Variants in ITGB3 observed in about 807,000 individuals in gnomAD.
ITGB3 encodes integrin subunit beta 3, also known as integrin beta-3.
In ITGB3, 48 loss-of-function variants were observed where a neutral mutation model predicts 85.8. The ratio of observed to expected loss-of-function variants is 0.56; its 90% CI spans 0.44 to 0.71. ITGB3 has a LOEUF of 0.71. Ranked by LOEUF, ITGB3 falls within the 30% of genes least tolerant of loss-of-function variation. The pLI, the probability that ITGB3 is intolerant of heterozygous loss-of-function variation, is 0.00. For synonymous variants in ITGB3, 363 were observed against 395.6 expected (o/e 0.92, Z 0.98); for missense variants, 861 against 1,019.1 (o/e 0.84, Z 2.11).
At chr17:47,266,667 T>A (rs559539188) in intron 1 of ITGB3, among the ~76,000 whole-genome samples, 1 of 152,230 alleles carries the variant, frequency 6.6e-6, no homozygotes, top group Admixed American at 6.5e-5. Flanking sequence ...AGCCTCAACC[T>A]CCCAGGTCCA....
In ITGB3 at chr17:47,292,339, T is replaced by C. The variant is rs751788211; in HGVS notation, c.1461T>C (p.Arg487=). 3 of 1,614,130 alleles carry C rather than the reference T, an allele frequency of 1.9e-6. No individual in the cohort carries two copies. Among genetic ancestry groups the C allele is most frequent in the South Asian group, 1.1e-5 (1 of 91,078 alleles). The change falls in exon 10 of 15, where the codon CGT becomes CGC. Residue 487 remains arginine (R), a synonymous_variant. Coordinates refer to ENST00000559488, the MANE Select transcript of ITGB3 (RefSeq NM_000212.3). ...GGACCTTTGAGTGTGGGGTATGCCG[T>C]TGTGGGCCTGGCTGGCTGGGATCCC... The part of the protein sequence containing the change: ...GNGTFECGVC[R]CGPGWLGSQC...
In ITGB3 at chr17:47,283,559, G is replaced by C. The variant is rs748862338; in HGVS notation, c.361+10G>C. On this transcript the variant is annotated intron_variant, in intron 3 of 14. Transcript: ENST00000559488. Reference sequence around the variant, plus strand: ...CTCCGGCTCCGGCCAGGTAGGGCTGGGACTCTTTGCGGGGAGAGACCTGAA... The same window carrying C: ...CTCCGGCTCCGGCCAGGTAGGGCTGCGACTCTTTGCGGGGAGAGACCTGAA... 1 of 1,614,086 alleles carries C rather than the reference G, an allele frequency of 6.2e-7. No homozygotes were observed. Among genetic ancestry groups the C allele is most frequent in the Non-Finnish European group, 8.5e-7 (1 of 1,179,972 alleles).
At chr17:47,296,384 C>G (rs528455770) in intron 10 of ITGB3, among the ~76,000 whole-genome samples, 1 of 152,294 alleles carries the variant, frequency 6.6e-6, no homozygotes, top group East Asian at 1.9e-4. Flanking sequence ...CAGGCTCTTG[C>G]CATCATGCCC....
chr17:47,272,264 C>T (rs1439241333), intron 1 of ITGB3, among the ~76,000 whole-genome samples: 2 of 151,302 alleles, frequency 1.3e-5, no homozygotes. Flanking sequence ...CTGTGTTAGC[C>T]AGGATAGTCT....
chr17:47,271,425 G>A (rs1238924869), intron 1 of ITGB3, among the ~76,000 whole-genome samples: 1 of 152,196 alleles, frequency 6.6e-6, no homozygotes, highest in Non-Finnish European at 1.5e-5. Flanking sequence ...TAAGACGTTA[G>A]GAGTAGTTCA....
At chr17:47,294,711 G>A (rs1168098687) in intron 10 of ITGB3, among the ~76,000 whole-genome samples, 1 of 152,204 alleles carries the variant, frequency 6.6e-6, no homozygotes, top group African/African-American at 2.4e-5. Flanking sequence ...CTTGCTCTGT[G>A]CCATCATTTG....
chr17:47,310,299 G>A lies in ITGB3; in HGVS notation c.*95G>A. The A allele has an allele frequency of 1.6e-6, 2 of 1,251,860 alleles. No homozygotes were observed. The highest frequency in any genetic ancestry group is 2.3e-5 in the East Asian group (1 of 42,902). 77.5% of individuals were successfully genotyped at this position (1,251,860 alleles called of 1,614,324 possible). A position where few individuals can be genotyped will look rare whatever the true frequency, so the allele number is the denominator to read the frequency against. ...ACAGAGGACAGTATTTGTGGGGAGG[G>A]ATTTGGGGCTCAGAGTGGGGTAGGT... On this transcript the variant is annotated 3_prime_UTR_variant, in exon 15 of 15. Coordinates refer to ENST00000559488, the MANE Select transcript of ITGB3 (RefSeq NM_000212.3).
chr17:47,286,993 G>A, intron 5 of ITGB3, 77 bp from the exon 6 acceptor site: 1 of 1,484,948 alleles, frequency 6.7e-7, no homozygotes. Flanking sequence ...GAGCACCTTG[G>A]GTCTCTGTTC....
chr17:47,301,860 G>T (rs190097089), intron 12 of ITGB3, among the ~76,000 whole-genome samples: 108 of 152,110 alleles, frequency 7.1e-4, no homozygotes, highest in Non-Finnish European at 1.2e-3. Context: ...GGCAAATTAA[G>T]ATAAGAACTA....
At chr17:47,267,196 T>C (rs1415822732) in intron 1 of ITGB3, among the ~76,000 whole-genome samples, 1 of 152,236 alleles carries the variant, frequency 6.6e-6, no homozygotes, top group Non-Finnish European at 1.5e-5. Flanking sequence ...ATTTCATCCT[T>C]ACAACCACCC....
rs538955935 is a variant in ITGB3 at position 47,266,900 on chromosome 17, A to G, written c.80-7519A>G. ...TTCGAAGACTAATATTCCTAACCCC[A>G]TTTAGAAGCCAGATCTGACAAGTAA... On this transcript the variant is annotated intron_variant, in intron 1 of 14. Transcript: ENST00000559488. 8.5e-5 allele frequency among the ~76,000 whole-genome samples: 13 copies of G among 152,122 alleles called. 1 individual carries two copies. In the South Asian group the frequency reaches 1.9e-3, roughly 22 times the overall value.
intron 12 of ITGB3, 57 bp from the exon 13 acceptor site, chr17:47,302,664 G>A: frequency 6.2e-7 from 1 of 1,606,228 alleles, no homozygotes; most frequent in Non-Finnish European, 8.5e-7. Context: ...GGTTTGGAGT[G>A]GTCCCATCTT....
chr17:47,274,237 C>T (rs2065054975), intron 1 of ITGB3, among the ~76,000 whole-genome samples, 182 bp from the exon 2 acceptor site: 3 of 152,218 alleles, frequency 2.0e-5, no homozygotes, highest in Admixed American at 6.5e-5. Context: ...CCTGATTTTC[C>T]TCCTCCTCCT....
intron 10 of ITGB3, among the ~76,000 whole-genome samples, chr17:47,298,592 T>C (rs1233538162): frequency 6.6e-6 from 1 of 152,204 alleles, no homozygotes; most frequent in East Asian, 1.9e-4. Context: ...TCCTGTCTTG[T>C]GCATGTGCCC....
At position 47,313,323 on chromosome 17, in the gene ITGB3, G is replaced by A. The variant is rs1485723913; in HGVS notation, c.*3119G>A. Among the ~76,000 whole-genome samples, 2 of 148,828 alleles carry A rather than the reference G, an allele frequency of 1.3e-5. No homozygotes were observed. The highest frequency in any genetic ancestry group is 3.0e-5 in the Non-Finnish European group (2 of 67,178). ...CCAAAGGCCTCTTTTTCTTTGTTAA[G>A]TATTCCTGGTTGAAATTTCTTTTCT... On this transcript the variant is annotated 3_prime_UTR_variant, in exon 15 of 15. Coordinates refer to ENST00000559488, the MANE Select transcript of ITGB3 (RefSeq NM_000212.3).
rs115526188 is a variant in ITGB3 at position 47,254,136 on chromosome 17, C to A, written c.79+196C>A. On this transcript the variant is annotated intron_variant, in intron 1 of 14. Transcript: ENST00000559488. ...CCGGCGGTGGCGGGGCTGAGAGGTGCCTGGTGCCTGGGAGCGGGTCCTCCG... is the reference window on the plus strand; with the variant it reads ...CCGGCGGTGGCGGGGCTGAGAGGTGACTGGTGCCTGGGAGCGGGTCCTCCG... Among the ~76,000 whole-genome samples the A allele has an allele frequency of 0.11, 17,486 of 152,096 alleles. 1,117 individuals carry two copies. Among genetic ancestry groups the A allele is most frequent in the Middle Eastern group, 0.15 (43 of 292 alleles).
chr17:47,296,142 C>T (rs966494514), intron 10 of ITGB3, among the ~76,000 whole-genome samples: 7 of 152,192 alleles, frequency 4.6e-5, no homozygotes, highest in Non-Finnish European at 7.3e-5. Flanking sequence ...AACCTAGCCT[C>T]GGGACACAGC....
In ITGB3 at chr17:47,283,410, CTG is replaced by C. The variant is rs1438135616; in HGVS notation, c.225_226del (p.Ala76ProfsTer10). The C allele has an allele frequency of 1.9e-6, 3 of 1,614,236 alleles. No homozygotes were observed. Among genetic ancestry groups the C allele is most frequent in the East Asian group, 4.5e-5 (2 of 44,890 alleles). On this transcript the variant is annotated frameshift_variant, in exon 3 of 15. Transcript: ENST00000559488. LOFTEE classifies it high-confidence loss of function. ...TGAAGGAGAATCTGCTGAAGGATAA[CTG>C]TGCCCCAGAATCCATCGAGTTCCCA... is the stretch of plus-strand genomic sequence containing the variant. ...DLKENLLKDN[C>X]APESIEFPVS...
At chr17:47,274,344 G>T in intron 1 of ITGB3, 75 bp from the exon 2 acceptor site, 1 of 1,313,714 alleles carries the variant, frequency 7.6e-7, no homozygotes, top group South Asian at 1.2e-5. Flanking sequence ...CATTGGGAAA[G>T]TTGGGAAGGA....
Sources: gnomAD v4.1 joint callset for allele counts (sites outside exome capture counted in the v4.1 genomes callset) on GRCh38, gnomAD v4.1.1 for gene constraint, MANE v1.5 for transcripts, NCBI Gene and HGNC (gene_info 2026-07-23, HGNC 2026-07-21) for gene names.